The following CREBL2 variants were observed in gnomAD, a reference collection of about 807,000 sequenced individuals.
CREBL2 encodes cAMP-responsive element-binding protein-like 2.
CREBL2 carries 4 observed loss-of-function variants against 19.5 expected under a neutral mutation model. The observed-to-expected ratio is 0.20, with a 90% CI of 0.10 to 0.47. The LOEUF is 0.47. CREBL2 is among the 20% of genes least tolerant of loss of function. CREBL2 has a pLI of 0.98. For synonymous variants in CREBL2, 42 were observed against 46.6 expected (o/e 0.90, Z 0.40); for missense variants, 85 against 145.1 (o/e 0.59, Z 2.13).
chr12:12,642,208 A>G lies in CREBL2; in HGVS notation c.*210A>G, dbSNP rs1945528205. 1 of 402,336 alleles carries G rather than the reference A, an allele frequency of 2.5e-6. No homozygotes were observed. The allele number at this position is 402,336 out of a possible 1,614,324, so 24.9% of individuals were successfully genotyped here. On this transcript the variant is annotated 3_prime_UTR_variant, in exon 4 of 4. Transcript: ENST00000228865. ...ACTTAGAAAATCTACAAACATTCAGACCTGTCTGGGTTGGTATTGCCACCC... is the reference window on the plus strand; with the variant it reads ...ACTTAGAAAATCTACAAACATTCAGGCCTGTCTGGGTTGGTATTGCCACCC...
intron 1 of CREBL2, among the ~76,000 whole-genome samples, chr12:12,613,222 G>T (rs1460737582): frequency 1.5e-4 from 23 of 152,212 alleles, no homozygotes; most frequent in Non-Finnish European, 8.8e-5. Context: ...TTTATTTCCT[G>T]AAGATAGGGA....
rs1313886627 is a variant in CREBL2, at chr12:12,644,935, A to T, written c.*2937A>T. ...TTACATATTTAGTTTTAAAAGGAGG[A>T]GTCACCTTGAATTATTTTCTGAGTC... On this transcript the variant is annotated 3_prime_UTR_variant, in exon 4 of 4. Coordinates refer to ENST00000228865, the MANE Select transcript of CREBL2 (RefSeq NM_001310.4). The T allele has an allele frequency of 6.6e-6, 1 of 152,188 alleles. No individual in the cohort carries two copies. The highest frequency in any genetic ancestry group is 1.5e-5 in the Non-Finnish European group (1 of 68,022). The allele number at this position is 152,188 out of a possible 1,614,324, so 9.4% of individuals were successfully genotyped here. A position where few individuals can be genotyped will look rare whatever the true frequency, so the allele number is the denominator to read the frequency against.
At chr12:12,630,296 G>A (rs1317340790) in intron 1 of CREBL2, among the ~76,000 whole-genome samples, 1 of 151,964 alleles carries the variant, frequency 6.6e-6, no homozygotes, top group Non-Finnish European at 1.5e-5. Context: ...ATCTAATTCA[G>A]ATTTTCTATT....
intron 1 of CREBL2, 129 bp downstream of exon 1, chr12:12,612,316 C>T (rs772705568): frequency 3.9e-6 from 6 of 1,520,694 alleles, no homozygotes; most frequent in Non-Finnish European, 5.4e-6. Context: ...TGCGCCTCTC[C>T]AGTCCACTGC....
chr12:12,624,292 G>A (rs1592239164), intron 1 of CREBL2, among the ~76,000 whole-genome samples: 2 of 152,348 alleles, frequency 1.3e-5, no homozygotes, highest in East Asian at 3.9e-4. Context: ...GTTATTAAAA[G>A]AAAGGTTAAT....
chr12:12,634,272 A>G (rs76175586), intron 1 of CREBL2, among the ~76,000 whole-genome samples: 1,565 of 152,358 alleles, frequency 0.01, 22 homozygotes, highest in African/African-American at 0.035. Flanking sequence ...ATATAGTTAC[A>G]TCTTGCATAA....
intron 1 of CREBL2, chr12:12,614,836 A>C: frequency 3.0e-6 from 1 of 329,000 alleles, no homozygotes. Flanking sequence ...GTTTTGCCAT[A>C]GTAAGATTTG....
At chr12:12,636,243 A>G (rs151266534) in intron 2 of CREBL2, among the ~76,000 whole-genome samples, 229 of 152,272 alleles carry the variant, frequency 1.5e-3, no homozygotes, top group Middle Eastern at 3.4e-3. Flanking sequence ...TGGTTAAATA[A>G]ATGTTACTAC....
rs979786085 is a variant in CREBL2 at position 12,641,216 on chromosome 12, G to A, written c.359-778G>A. 3.9e-5 allele frequency among the ~76,000 whole-genome samples: 5 copies of A among 127,832 alleles called. No homozygotes were observed. The East Asian group carries it at 1.2e-3, about 30-fold the overall frequency. 83.9% of individuals were successfully genotyped at this position (127,832 alleles called of 152,430 possible). ...GCACTTTAAATAGCTATAAAGAAAT[G>A]TCACAAACCTTTATTATTATTATTA... On this transcript the variant is annotated intron_variant, in intron 3 of 3. Coordinates refer to ENST00000228865, the MANE Select transcript of CREBL2 (RefSeq NM_001310.4).
intron 1 of CREBL2, among the ~76,000 whole-genome samples, chr12:12,632,932 T>A (rs1945451712): frequency 6.6e-6 from 1 of 150,782 alleles, no homozygotes; most frequent in Non-Finnish European, 1.5e-5. Context: ...TTTTATTTTT[T>A]ATTTTTTACT....
chr12:12,635,711 C>T, intron 1 of CREBL2, 66 bp from the exon 2 acceptor site: 1 of 1,497,326 alleles, frequency 6.7e-7, no homozygotes, highest in East Asian at 2.4e-5. Flanking sequence ...TGCTAATATG[C>T]AGCCATATTC....
At chr12:12,640,798 T>C (rs948415127) in intron 3 of CREBL2, among the ~76,000 whole-genome samples, 6 of 152,216 alleles carry the variant, frequency 3.9e-5, no homozygotes, top group Non-Finnish European at 7.3e-5. Flanking sequence ...GATACATGAT[T>C]TGCAGATATT....
intron 1 of CREBL2, among the ~76,000 whole-genome samples, chr12:12,622,919 C>T (rs1945371171): frequency 6.6e-6 from 1 of 152,120 alleles, no homozygotes; most frequent in Admixed American, 6.5e-5. Context: ...GCTGAGGCTG[C>T]TGGTACTTCT....
rs570741356 is a variant in CREBL2, at chr12:12,640,606, GAGTAA to G, written c.359-1380_359-1376del. Among the ~76,000 whole-genome samples the G allele has an allele frequency of 2.4e-3, 370 of 152,314 alleles. 1 individual carries two copies. Among genetic ancestry groups the G allele is most frequent in the African/African-American group, 8.1e-3 (338 of 41,564 alleles). The stretch of plus-strand genomic sequence containing the variant: ...CAGCTTACGAAGATAATAGGATTAA[GAGTAA>G]AGTAAAGACAGGCATAAGAAATTAT... On this transcript the variant is annotated intron_variant, in intron 3 of 3. Transcript: ENST00000228865.
At chr12:12,630,751 T>G (rs2136304181) in intron 1 of CREBL2, among the ~76,000 whole-genome samples, 1 of 152,326 alleles carries the variant, frequency 6.6e-6, no homozygotes, top group African/African-American at 2.4e-5. Context: ...CCGCTCCCTC[T>G]GAGGAATGCT....
intron 1 of CREBL2, among the ~76,000 whole-genome samples, chr12:12,619,045 AGAGGGAGAGGGAGAG>A (rs943306220): frequency 2.1e-4 from 32 of 151,640 alleles, no homozygotes; most frequent in South Asian, 1.5e-3. Flanking sequence ...GGGAGACGGG[AGAGGGAGAGGGAGAG>A]GAGGGAGAGG....
chr12:12,637,859 G>A, intron 3 of CREBL2, 145 bp downstream of exon 3: 2 of 831,296 alleles, frequency 2.4e-6, no homozygotes, highest in South Asian at 6.5e-5. Flanking sequence ...AGGGCAACAT[G>A]GCAAAACCCC....
chr12:12,628,005 G>A (rs1021551356), intron 1 of CREBL2, among the ~76,000 whole-genome samples: 6 of 151,946 alleles, frequency 3.9e-5, no homozygotes, highest in Non-Finnish European at 2.9e-5. Flanking sequence ...TCAGCCTCCC[G>A]AGTAGCTGGG....
intron 1 of CREBL2, among the ~76,000 whole-genome samples, chr12:12,618,447 AG>A (rs1945331843): frequency 6.7e-6 from 1 of 148,522 alleles, no homozygotes; most frequent in African/African-American, 2.5e-5. Flanking sequence ...GGCGGGGCAG[AG>A]GCGCTCCCCA....
Sources: allele counts gnomAD v4.1 joint callset (sites outside exome capture counted in the v4.1 genomes callset), GRCh38; gene constraint gnomAD v4.1.1; transcripts MANE v1.5; gene names NCBI Gene and HGNC (gene_info 2026-07-23, HGNC 2026-07-21).